Variants in TMEM116 observed in about 807,000 individuals in gnomAD.
TMEM116 encodes transmembrane protein 116.
TMEM116 carries 38 observed loss-of-function variants against 44.3 expected under a neutral mutation model. The ratio of observed to expected loss-of-function variants is 0.86; its 90% CI spans 0.66 to 1.12. The LOEUF (loss-of-function observed/expected upper bound fraction) is 1.12. TMEM116 is among the 50% of genes most tolerant of loss of function. The pLI is 0.00. For synonymous variants in TMEM116, 132 were observed against 144.8 expected (o/e 0.91, Z 0.64); for missense variants, 354 against 401.7 (o/e 0.88, Z 1.01).
At chr12:111,995,375 T>C (rs2076876277) in intron 3 of TMEM116, among the ~76,000 whole-genome samples, 1 of 152,002 alleles carries the variant, frequency 6.6e-6, no homozygotes, top group African/African-American at 2.4e-5. Context: ...AATATGAAGC[T>C]AGAACAATTG....
At position 112,000,823 on chromosome 12, in the gene TMEM116, G is replaced by A. The variant is rs981230758; in HGVS notation, c.78+2977C>T. The A allele has an allele frequency of 2.4e-5, 12 of 506,690 alleles. No individual in the cohort carries two copies. The East Asian group carries it at 2.8e-4, about 12-fold the overall frequency. 31.4% of individuals were successfully genotyped at this position (506,690 alleles called of 1,614,324 possible). ...ATCACAGTTGTTACAGATTGAATAC[G>A]GTTCATTAGCTGAGATTTAATTCCT... On this transcript the variant is annotated intron_variant, in intron 3 of 10. Transcript: ENST00000552374.
chr12:112,003,893 A>T, intron 2 of TMEM116, 30 bp from the exon 3 acceptor site: 1 of 1,475,766 alleles, frequency 6.8e-7, no homozygotes, highest in African/African-American at 1.5e-5. Flanking sequence ...ATTGATCATT[A>T]AAGCAGGACA....
At chr12:111,950,611 G>A (rs1408117154) in intron 4 of TMEM116, among the ~76,000 whole-genome samples, 1 of 152,090 alleles carries the variant, frequency 6.6e-6, no homozygotes, top group Non-Finnish European at 1.5e-5. Flanking sequence ...AATGGTGCTG[G>A]GATAACTGGC....
At chr12:111,973,320 T>C (rs1453892169) in intron 4 of TMEM116, among the ~76,000 whole-genome samples, 1 of 152,086 alleles carries the variant, frequency 6.6e-6, no homozygotes, top group Non-Finnish European at 1.5e-5. Flanking sequence ...AAAAGAACAA[T>C]TAGAAAGTAT....
At chr12:111,933,415 G>A (rs1210608443) in intron 9 of TMEM116, among the ~76,000 whole-genome samples, 1 of 151,608 alleles carries the variant, frequency 6.6e-6, no homozygotes, top group East Asian at 1.9e-4. Context: ...AGTTAAGGAG[G>A]GTAGTAAAAA....
At chr12:111,971,409 A>G (rs2075327221) in intron 4 of TMEM116, among the ~76,000 whole-genome samples, 1 of 152,164 alleles carries the variant, frequency 6.6e-6, no homozygotes. Flanking sequence ...TAAGATTCTT[A>G]TCCTATATGT....
Position 111,940,523 on chromosome 12 carries a change from G to GTATATATATATATATATATATA in TMEM116, c.316-2335_316-2314dup, listed in dbSNP as rs759583297. Among the ~76,000 whole-genome samples, 23 of 104,918 alleles carry GTATATATATATATATATATATA rather than the reference G, an allele frequency of 2.2e-4. 1 individual carries two copies. In the East Asian group the frequency reaches 0.011, roughly 49 times the overall value. The allele number at this position is 104,918 out of a possible 152,430, so 68.8% of individuals were successfully genotyped here. A position where few individuals can be genotyped will look rare whatever the true frequency, so the allele number is the denominator to read the frequency against. On this transcript the variant is annotated intron_variant, in intron 5 of 10. Coordinates refer to ENST00000552374, the MANE Select transcript of TMEM116 (RefSeq NM_001193531.2). ...CATATATATACACACATATATATGT[G>GTATATATATATATATATATATA]TATATATATATATATATATATACAC...
chr12:112,009,859 A>G (rs1253485727), intron 1 of TMEM116, among the ~76,000 whole-genome samples: 1 of 151,846 alleles, frequency 6.6e-6, no homozygotes, highest in Non-Finnish European at 1.5e-5. Flanking sequence ...AAAAAAAAAC[A>G]AAACAAAACC....
intron 4 of TMEM116, among the ~76,000 whole-genome samples, chr12:111,990,269 A>G (rs917845036): frequency 1.1e-4 from 16 of 149,438 alleles, no homozygotes; most frequent in Middle Eastern, 3.4e-3. Context: ...AAAAAAAAAA[A>G]GGTAACATTA....
Position 111,931,702 on chromosome 12 carries a change from T to C in TMEM116, c.933A>G (p.Ser311=). 1.9e-6 allele frequency: 3 copies of C among 1,614,058 alleles called. No homozygotes were observed. Among genetic ancestry groups the C allele is most frequent in the Non-Finnish European group, 2.5e-6 (3 of 1,179,994 alleles). The change falls in exon 11 of 11, where the codon TCA becomes TCG. Residue 311 remains serine, a synonymous_variant. Coordinates refer to ENST00000552374, the MANE Select transcript of TMEM116 (RefSeq NM_001193531.2). ...AGCCCCTGCTATAGAATCTCTTCTG[T>C]GAGCATAATAATGGTGTCTGGGTAT... ...DADTQTPLLC[S]QKRFYSRGLN... is the part of the protein sequence containing the mutation.
At chr12:111,970,733 C>G (rs2075285708) in intron 4 of TMEM116, among the ~76,000 whole-genome samples, 1 of 151,894 alleles carries the variant, frequency 6.6e-6, no homozygotes, top group Admixed American at 6.6e-5. Flanking sequence ...ACTACAGGCA[C>G]CTGCCACCAT....
intron 4 of TMEM116, among the ~76,000 whole-genome samples, chr12:111,982,757 C>G (rs2076014451): frequency 6.6e-6 from 1 of 152,138 alleles, no homozygotes; most frequent in African/African-American, 2.4e-5. Context: ...CTCCTATGGA[C>G]ATTCAGGCTT....
chr12:111,945,182 A>G (rs2073159033), intron 4 of TMEM116, among the ~76,000 whole-genome samples: 1 of 151,396 alleles, frequency 6.6e-6, no homozygotes, highest in Admixed American at 6.6e-5. Flanking sequence ...CATCTCTACT[A>G]AAAATACAAA....
In TMEM116 at chr12:111,945,097, C is replaced by A. The variant is rs1015928661; in HGVS notation, c.211-1728G>T. Among the ~76,000 whole-genome samples the A allele has an allele frequency of 3.1e-3, 352 of 112,664 alleles. 2 individuals are homozygous for A. Among genetic ancestry groups the A allele is most frequent in the African/African-American group, 9.9e-3 (296 of 29,884 alleles). 73.9% of individuals were successfully genotyped at this position (112,664 alleles called of 152,430 possible). A position where few individuals can be genotyped will look rare whatever the true frequency, so the allele number is the denominator to read the frequency against. On this transcript the variant is annotated intron_variant, in intron 4 of 10. Coordinates refer to ENST00000552374, the MANE Select transcript of TMEM116 (RefSeq NM_001193531.2). The stretch of plus-strand genomic sequence containing the variant: ...CTAAAAAAAAAAAAAAAAAAAAAAG[C>A]AAGCCTTTAAAAAACAGGCAAACCT...
At chr12:111,996,587 A>G (rs2076938590) in intron 3 of TMEM116, among the ~76,000 whole-genome samples, 1 of 152,200 alleles carries the variant, frequency 6.6e-6, no homozygotes, top group South Asian at 2.1e-4. Flanking sequence ...TGGCACAACC[A>G]GTTGGAAAAG....
chr12:111,999,502 A>G (rs1483767614), intron 3 of TMEM116, among the ~76,000 whole-genome samples: 1 of 152,032 alleles, frequency 6.6e-6, no homozygotes, highest in Non-Finnish European at 1.5e-5. Context: ...AGGCTGAGCC[A>G]GAATTGCTTG....
At position 111,931,803 on chromosome 12, in the gene TMEM116, G is replaced by T; in HGVS notation, c.832C>A (p.Leu278Ile). The change falls in exon 11 of 11, where the codon CTA becomes ATA. Residue 278 changes from leucine (L) to isoleucine (I), a missense_variant. Transcript: ENST00000552374. Reference protein sequence around the residue: ...LQALTATSQGLLNCGVYGWTQ... With the variant: ...LQALTATSQGILNCGVYGWTQ... ...CAGCCATATACTCCACAGTTGAGTAGACCCTGAGATGTTGCCGTTAGAGCC... is the reference window on the plus strand; with the variant it reads ...CAGCCATATACTCCACAGTTGAGTATACCCTGAGATGTTGCCGTTAGAGCC... The T allele has an allele frequency of 6.5e-7, 1 of 1,545,416 alleles. No homozygotes were observed. The highest frequency in any genetic ancestry group is 1.3e-5 in the South Asian group (1 of 78,496).
At chr12:111,970,139 A>C (rs2075244133) in intron 4 of TMEM116, among the ~76,000 whole-genome samples, 19 of 151,626 alleles carry the variant, frequency 1.3e-4, no homozygotes. Flanking sequence ...GTAATCCTAG[A>C]TACTTGGGAG....
intron 3 of TMEM116, among the ~76,000 whole-genome samples, chr12:111,992,251 C>T (rs977619985): frequency 9.2e-5 from 14 of 151,442 alleles, no homozygotes; most frequent in Non-Finnish European, 1.5e-4. Context: ...GCTTTAGTGG[C>T]ACAGGCAACA....
Sources: gnomAD v4.1 joint callset for allele counts (sites outside exome capture counted in the v4.1 genomes callset) on GRCh38, gnomAD v4.1.1 for gene constraint, MANE v1.5 for transcripts, NCBI Gene and HGNC (gene_info 2026-07-23, HGNC 2026-07-21) for gene names.